Variants in C17orf99 observed in about 807,000 individuals in gnomAD.
The protein encoded by C17orf99 is protein IL-40.
Under a neutral mutation model 22.6 loss-of-function variants are expected in C17orf99, and 18 were observed. The ratio of observed to expected loss-of-function variants is 0.80; its 90% confidence interval spans 0.55 to 1.18. The LOEUF is 1.18. C17orf99 is among the 50% of genes most tolerant of loss of function. C17orf99 has a pLI of 0.00. For missense variants in C17orf99, 328 were observed against 342.7 expected (o/e 0.96, Z 0.34); for synonymous variants, 147 against 136.6 (o/e 1.08, Z -0.53).
intron 2 of C17orf99, among the ~76,000 whole-genome samples, chr17:78,147,818 A>C (rs1320154350): frequency 2.6e-5 from 4 of 152,170 alleles, no homozygotes; most frequent in Admixed American, 2.6e-4. Flanking sequence ...GTGGCTGCTA[A>C]AAAGAGAGCA....
At chr17:78,158,271 G>T in intron 2 of C17orf99, 1 of 493,750 alleles carries the variant, frequency 2.0e-6, no homozygotes. Context: ...GCTCTGCCCT[G>T]GTCCTAGGCT....
rs755057023 is a variant in C17orf99 at position 78,166,073 on chromosome 17, G to A, written c.*27G>A. The A allele has an allele frequency of 6.4e-5, 60 of 934,186 alleles. No homozygotes were observed. The African/African-American group carries it at 7.8e-4, about 12-fold the overall frequency. 57.9% of individuals were successfully genotyped at this position (934,186 alleles called of 1,614,324 possible). On this transcript the variant is annotated 3_prime_UTR_variant, in exon 5 of 5. Coordinates refer to ENST00000340363, the MANE Select transcript of C17orf99 (RefSeq NM_001163075.2). ...ATGAACCGTCCAGAGAGCCAAGCAC[G>A]GCAGAGGACTGCAGGCCATCAGCGT...
Position 78,146,779 on chromosome 17 carries a change from C to A in C17orf99, c.38-100C>A. The A allele has an allele frequency of 8.4e-7, 1 of 1,195,188 alleles. No individual in the cohort carries two copies. Among genetic ancestry groups the A allele is most frequent in the Non-Finnish European group, 1.2e-6 (1 of 827,106 alleles). 74.0% of individuals were successfully genotyped at this position (1,195,188 alleles called of 1,614,324 possible). A position where few individuals can be genotyped will look rare whatever the true frequency, so the allele number is the denominator to read the frequency against. ...CTGGGGCCTCACTACCAAGAATCAGCCTGCTCCTCCCTCCTGGCTTCAGCA... is the reference window on the plus strand; with the variant it reads ...CTGGGGCCTCACTACCAAGAATCAGACTGCTCCTCCCTCCTGGCTTCAGCA... On this transcript the variant is annotated intron_variant, in intron 1 of 4. Coordinates refer to ENST00000340363, the MANE Select transcript of C17orf99 (RefSeq NM_001163075.2). This position sits in a 1 kb window ranked among gnomAD's most constrained non-coding sequence, Gnocchi z 5.2.
chr17:78,159,329 T>G (rs1474175246), intron 2 of C17orf99, among the ~76,000 whole-genome samples: 1 of 151,426 alleles, frequency 6.6e-6, no homozygotes, highest in African/African-American at 2.5e-5. Context: ...AGAGCAAGAC[T>G]CTGTCTTTAA....
intron 2 of C17orf99, among the ~76,000 whole-genome samples, chr17:78,153,234 G>A (rs951531507): frequency 1.3e-5 from 2 of 151,756 alleles, no homozygotes; most frequent in Non-Finnish European, 1.5e-5. Context: ...CTGTAATCCC[G>A]GCACTCTGGG....
chr17:78,164,051 A>C, intron 3 of C17orf99, 44 bp from the exon 4 acceptor site: 1 of 1,513,296 alleles, frequency 6.6e-7, no homozygotes, highest in Non-Finnish European at 9.0e-7. Flanking sequence ...GAGGGGTTTA[A>C]AACCGCTCAG....
chr17:78,151,080 A>AC (rs2075478575), intron 2 of C17orf99, among the ~76,000 whole-genome samples: 1 of 150,946 alleles, frequency 6.6e-6, no homozygotes. Context: ...CCTGGATGGC[A>AC]CCACTGCACT....
chr17:78,146,898 G>C lies in C17orf99; in HGVS notation c.57G>C (p.Lys19Asn). ...LAVLAASSFS[K>N]AREEEITPVV... ...TTACAGCTGCCAGCAGCTTCTCCAA[G>C]GCACGGGAGGAAGGTAAGTGGCATA... The change falls in exon 2 of 5, where the codon AAG (lysine) becomes AAC (asparagine). Residue 19 changes from lysine to asparagine, a missense_variant. By Grantham distance (94) the Lys-to-Asn change is moderately conservative. Transcript: ENST00000340363. The surrounding 1 kb of genome is among the most constrained non-coding windows in gnomAD (Gnocchi z 5.2). The C allele has an allele frequency of 1.3e-6, 2 of 1,551,540 alleles. No individual in the cohort carries two copies. Among genetic ancestry groups the C allele is most frequent in the Non-Finnish European group, 1.7e-6 (2 of 1,146,860 alleles).
intron 2 of C17orf99, among the ~76,000 whole-genome samples, chr17:78,147,868 C>T (rs1328953809): frequency 1.3e-5 from 2 of 152,166 alleles, no homozygotes; most frequent in East Asian, 1.9e-4. Flanking sequence ...CAGGGCAGTT[C>T]CGCCTCCCCC....
In C17orf99 at chr17:78,166,113, T is replaced by A; in HGVS notation, c.*67T>A. 1 of 466,990 alleles carries A rather than the reference T, an allele frequency of 2.1e-6. No individual in the cohort carries two copies. Among genetic ancestry groups the A allele is most frequent in the Non-Finnish European group, 3.5e-6 (1 of 287,086 alleles). 28.9% of individuals were successfully genotyped at this position (466,990 alleles called of 1,614,324 possible). ...GCCATCAGCGTGCACTGTTCGTATT[T>A]GGAGTTCATGCAAAATGAGTGTGTT... On this transcript the variant is annotated 3_prime_UTR_variant, in exon 5 of 5. Transcript: ENST00000340363.
chr17:78,158,252 G>A, intron 2 of C17orf99: 1 of 555,576 alleles, frequency 1.8e-6, no homozygotes. Flanking sequence ...CCTCCCCCAG[G>A]CTGGCTTGGC....
chr17:78,163,897 T>C (rs758592390), intron 3 of C17orf99, among the ~76,000 whole-genome samples, 198 bp from the exon 4 acceptor site: 1 of 152,050 alleles, frequency 6.6e-6, no homozygotes, highest in Admixed American at 6.6e-5. Context: ...AAAAACCAAA[T>C]GTGAAATTGT....
chr17:78,162,713 G>A (rs2075587600), intron 3 of C17orf99, among the ~76,000 whole-genome samples: 2 of 152,194 alleles, frequency 1.3e-5, no homozygotes, highest in South Asian at 4.1e-4. Context: ...GGGAGGCCAA[G>A]GTGGGAGAAT....
intron 2 of C17orf99, chr17:78,158,093 G>T: frequency 1.0e-6 from 1 of 966,182 alleles, no homozygotes. Context: ...TCTGCATGAG[G>T]GAGACCTTGG....
intron 2 of C17orf99, among the ~76,000 whole-genome samples, chr17:78,157,004 T>G (rs1367762930): frequency 6.6e-6 from 1 of 151,208 alleles, no homozygotes; most frequent in Non-Finnish European, 1.5e-5. Flanking sequence ...TTTTTAGAGG[T>G]GAAATTCACA....
rs537417184 is a variant in C17orf99, at chr17:78,164,857, G to C, written c.640+493G>C. The C allele has an allele frequency of 5.6e-5, 67 of 1,192,342 alleles. No individual in the cohort carries two copies. In the African/African-American group the frequency reaches 9.3e-4, roughly 16 times the overall value. 73.9% of individuals were successfully genotyped at this position (1,192,342 alleles called of 1,614,324 possible). On this transcript the variant is annotated intron_variant, in intron 4 of 4. Coordinates refer to ENST00000340363, the MANE Select transcript of C17orf99 (RefSeq NM_001163075.2). ...ACCTACTGTGTGCCATGTGCCTACT[G>C]AGGCTTACACATTCAAGGCGTTATC...
chr17:78,155,610 C>T (rs1388982656), intron 2 of C17orf99, among the ~76,000 whole-genome samples: 1 of 152,058 alleles, frequency 6.6e-6, no homozygotes, highest in Non-Finnish European at 1.5e-5. Context: ...AGCTACTGTG[C>T]CCACCTGATA....
At chr17:78,163,118 G>A (rs1598953148) in intron 3 of C17orf99, among the ~76,000 whole-genome samples, 2 of 152,330 alleles carry the variant, frequency 1.3e-5, no homozygotes, top group South Asian at 2.1e-4. Flanking sequence ...ATCAGGTATG[G>A]TGGTGCATGC....
chr17:78,148,971 C>T (rs2075456721), intron 2 of C17orf99, among the ~76,000 whole-genome samples: 1 of 151,922 alleles, frequency 6.6e-6, no homozygotes, highest in Non-Finnish European at 1.5e-5. Context: ...GGTGGACATA[C>T]ATTCTGGAGG....
Sources: allele counts gnomAD v4.1 joint callset (sites outside exome capture counted in the v4.1 genomes callset), GRCh38; gene constraint gnomAD v4.1.1; non-coding constraint Gnocchi (gnomAD v3.1); transcripts MANE v1.5; gene names NCBI Gene and HGNC (gene_info 2026-07-23, HGNC 2026-07-21).